Variants in PPP4R4 observed in about 807,000 individuals in gnomAD.
The protein encoded by PPP4R4 is serine/threonine-protein phosphatase 4 regulatory subunit 4.
Under a neutral mutation model 121.8 loss-of-function variants are expected in PPP4R4, and 70 were observed. That is an observed-to-expected ratio of 0.57 (90% CI 0.47 to 0.70). The LOEUF is 0.70. PPP4R4 is among the 30% of genes least tolerant of loss of function. The pLI is 0.00. For synonymous variants in PPP4R4, 348 were observed against 355.7 expected, an observed-to-expected ratio of 0.98 and a Z score of 0.24; for missense variants, 875 against 1,033.6, an observed-to-expected ratio of 0.85 and a Z score of 2.10.
intron 7 of PPP4R4, among the ~76,000 whole-genome samples, chr14:94,236,665 T>C (rs1464739245): frequency 1.3e-5 from 2 of 152,166 alleles, no homozygotes; most frequent in Admixed American, 6.5e-5. Context: ...TAAAGAAAAT[T>C]AGAGCTTTAG....
intron 3 of PPP4R4, among the ~76,000 whole-genome samples, chr14:94,209,552 A>G (rs915596633): frequency 1.3e-5 from 2 of 152,068 alleles, no homozygotes; most frequent in African/African-American, 4.8e-5. Flanking sequence ...AATTAAGATG[A>G]TATTTATTTT....
In PPP4R4 at chr14:94,259,422, G is replaced by GT. The variant is rs944057894; in HGVS notation, c.2127+60dup. 73 of 1,437,154 alleles carry GT rather than the reference G, an allele frequency of 5.1e-5. 1 individual carries two copies. Among genetic ancestry groups the GT allele is most frequent in the African/African-American group, 4.3e-4 (29 of 68,182 alleles). 89.0% of individuals were successfully genotyped at this position (1,437,154 alleles called of 1,614,324 possible). A position where few individuals can be genotyped will look rare whatever the true frequency, so the allele number is the denominator to read the frequency against. On this transcript the variant is annotated intron_variant, in intron 19 of 24. Coordinates refer to ENST00000304338, the MANE Select transcript of PPP4R4 (RefSeq NM_058237.2). ...ATACTCTTTTCTGATTAATAACTGT[G>GT]TTTTTTTATTAAACTTAATCATTTC...
chr14:94,218,374 C>CTCATAAACT (rs1891146955), intron 3 of PPP4R4, among the ~76,000 whole-genome samples: 2 of 142,814 alleles, frequency 1.4e-5, no homozygotes, highest in Non-Finnish European at 3.1e-5. Flanking sequence ...CCCTAGACAC[C>CTCATAAACT]GCACGCGCGT....
At chr14:94,270,551 C>G (rs1457205891) in intron 23 of PPP4R4, among the ~76,000 whole-genome samples, 1 of 152,108 alleles carries the variant, frequency 6.6e-6, no homozygotes, top group Non-Finnish European at 1.5e-5. Flanking sequence ...TAGATTTTAA[C>G]AAAGGCTTCA....
At chr14:94,248,349 C>G (rs1377223832) in intron 14 of PPP4R4, among the ~76,000 whole-genome samples, 2 of 152,060 alleles carry the variant, frequency 1.3e-5, no homozygotes, top group African/African-American at 4.8e-5. Flanking sequence ...CACATCTAAC[C>G]AAGGAGGCGA....
chr14:94,209,403 T>C (rs1890625119), intron 3 of PPP4R4, among the ~76,000 whole-genome samples: 2 of 152,112 alleles, frequency 1.3e-5, no homozygotes, highest in South Asian at 2.1e-4. Context: ...GAAGTTATTA[T>C]TGAGTCCTTG....
intron 5 of PPP4R4, among the ~76,000 whole-genome samples, chr14:94,232,142 C>T (rs1217169325): frequency 6.6e-6 from 1 of 152,134 alleles, no homozygotes; most frequent in Non-Finnish European, 1.5e-5. Flanking sequence ...GCATACTCTT[C>T]TCTAAAGACT....
intron 3 of PPP4R4, among the ~76,000 whole-genome samples, chr14:94,213,893 A>G (rs1890876417): frequency 6.6e-6 from 1 of 152,226 alleles, no homozygotes; most frequent in South Asian, 2.1e-4. Flanking sequence ...AATTTGTTAC[A>G]GCAGCCACAG....
intron 23 of PPP4R4, among the ~76,000 whole-genome samples, chr14:94,271,002 A>G (rs1199762588): frequency 6.6e-6 from 1 of 152,120 alleles, no homozygotes; most frequent in Non-Finnish European, 1.5e-5. Flanking sequence ...GAATAGGCTC[A>G]TATCTATTAA....
At chr14:94,258,645 C>G (rs1042508649) in intron 17 of PPP4R4, 138 bp from the exon 18 acceptor site, 25 of 654,412 alleles carry the variant, frequency 3.8e-5, no homozygotes, top group Non-Finnish European at 6.3e-5. Context: ...TTGGGCAGAA[C>G]TTTAGTTTTC....
At chr14:94,175,837 A>G (rs528972053) in intron 1 of PPP4R4, 37 of 560,668 alleles carry the variant, frequency 6.6e-5, no homozygotes, top group Non-Finnish European at 1.1e-4. Context: ...AAAAACAGAA[A>G]AATACAGCCC....
At position 94,220,207 on chromosome 14, in the gene PPP4R4, C is replaced by T. The variant is rs149135377; in HGVS notation, c.295-10380C>T. ...CTGTATTCCAGCTTGGGCAGCAGAG[C>T]GAGACTCCATCTCATAAATAAATAA... On this transcript the variant is annotated intron_variant, in intron 3 of 24. Transcript: ENST00000304338. Among the ~76,000 whole-genome samples, 71 of 152,078 alleles carry T rather than the reference C, an allele frequency of 4.7e-4. No homozygotes were observed. The East Asian group carries it at 7.9e-3, about 17-fold the overall frequency.
At chr14:94,243,774 A>AT (rs545308187) in intron 11 of PPP4R4, among the ~76,000 whole-genome samples, 139 of 144,250 alleles carry the variant, frequency 9.6e-4, no homozygotes, top group Middle Eastern at 3.6e-3. Flanking sequence ...GCTAGTGTAA[A>AT]TTTTTTTTTT....
At chr14:94,185,619 A>G (rs1346850665) in intron 2 of PPP4R4, among the ~76,000 whole-genome samples, 1 of 152,230 alleles carries the variant, frequency 6.6e-6, no homozygotes, top group Non-Finnish European at 1.5e-5. Context: ...GGTAGTGTTC[A>G]GTAAAGGATA....
intron 3 of PPP4R4, among the ~76,000 whole-genome samples, chr14:94,229,680 T>C (rs1352953137): frequency 7.3e-6 from 1 of 136,584 alleles, no homozygotes; most frequent in Non-Finnish European, 1.5e-5. Flanking sequence ...GGATTAATAT[T>C]CCTAAGATCA....
chr14:94,245,493 A>G, intron 12 of PPP4R4, 94 bp from the exon 13 acceptor site: 1 of 590,652 alleles, frequency 1.7e-6, no homozygotes, highest in South Asian at 4.9e-5. Flanking sequence ...GGGAAAAAAA[A>G]AAACCACTAC....
At chr14:94,186,472 G>A (rs1007785525) in intron 2 of PPP4R4, among the ~76,000 whole-genome samples, 1 of 151,946 alleles carries the variant, frequency 6.6e-6, no homozygotes, top group Non-Finnish European at 1.5e-5. Flanking sequence ...CCGTTTAATG[G>A]GTATAACACA....
At chr14:94,276,062 G>C (rs201908944) in intron 24 of PPP4R4, among the ~76,000 whole-genome samples, 1 of 90,260 alleles carries the variant, frequency 1.1e-5, no homozygotes, top group Non-Finnish European at 2.1e-5. Context: ...ATCTTGATTT[G>C]CTGAAGTCTT....
At chr14:94,270,014 T>TA (rs1894242835) in intron 23 of PPP4R4, among the ~76,000 whole-genome samples, 1 of 152,224 alleles carries the variant, frequency 6.6e-6, no homozygotes, top group Non-Finnish European at 1.5e-5. Context: ...ATAGCATACT[T>TA]ATGTAAGCTG....
Sources: gnomAD v4.1 joint callset for allele counts (sites outside exome capture counted in the v4.1 genomes callset) on GRCh38, gnomAD v4.1.1 for gene constraint, MANE v1.5 for transcripts, NCBI Gene and HGNC (gene_info 2026-07-23, HGNC 2026-07-21) for gene names.